The following TMEM230 variants were observed in gnomAD, a reference collection of about 807,000 sequenced individuals.
The protein encoded by TMEM230 is transmembrane protein 230.
A neutral mutation model predicts 15.8 loss-of-function variants in TMEM230; 10 were observed. The ratio of observed to expected loss-of-function variants is 0.63; its 90% CI spans 0.39 to 1.07. The LOEUF is 1.07. Ranked by LOEUF, TMEM230 falls within the 50% of genes least tolerant of loss-of-function variation. The pLI is 0.01. For missense variants in TMEM230, 165 were observed against 193.3 expected, an observed-to-expected ratio of 0.85 and a Z score of 0.87; for synonymous variants, 67 against 76.9, an observed-to-expected ratio of 0.87 and a Z score of 0.68.
chr20:5,076,497 C>T (rs545645504), intron 3 of TMEM230, among the ~76,000 whole-genome samples: 34 of 151,110 alleles, frequency 2.3e-4, no homozygotes, highest in South Asian at 6.3e-4. Flanking sequence ...GCTGAGAGCG[C>T]GCCACTGCAC....
downstream of TMEM230, among the ~76,000 whole-genome samples, chr20:5,063,762 A>T (rs538697165): frequency 6.6e-6 from 1 of 151,944 alleles, no homozygotes; most frequent in African/African-American, 2.4e-5. Context: ...ACCATGATGA[A>T]ATAGAATTTA....
chr20:5,086,411 C>T lies in TMEM230; in HGVS notation c.223-17062G>A, dbSNP rs377213507. Among the ~76,000 whole-genome samples, 69 of 151,316 alleles carry T rather than the reference C, an allele frequency of 4.6e-4. No homozygotes were observed. The Middle Eastern group carries it at 0.01, about 22-fold the overall frequency. ...AAAATTAGCCAGGCGTGGTGGCGTG[C>T]GCCTGTAGTCCCAGCTGCTTGGGAG... On this transcript the variant is annotated intron_variant, in intron 3 of 3. Coordinates refer to the TMEM230 transcript ENST00000612323.
chr20:5,112,267 A>G (rs547361617), intron 1 of TMEM230, among the ~76,000 whole-genome samples: 5 of 152,384 alleles, frequency 3.3e-5, no homozygotes, highest in East Asian at 1.9e-4. Context: ...TTTAAAAATT[A>G]GCATAATGTT....
the TMEM230 span, chr20:5,061,366 T>A: frequency 6.6e-6 from 1 of 152,166 alleles, no homozygotes; most frequent in Admixed American, 6.6e-5. Flanking sequence ...AAAATGTAGT[T>A]TCCGAACTGG....
intron 3 of TMEM230, among the ~76,000 whole-genome samples, chr20:5,086,984 C>CCGCCT (rs2089359791): frequency 6.6e-6 from 1 of 152,148 alleles, no homozygotes; most frequent in Admixed American, 6.5e-5. Flanking sequence ...AGCAATCATC[C>CCGCCT]CGCCTCAGCC....
intron 3 of TMEM230, 72 bp downstream of exon 2, chr20:5,109,260 A>C (rs2090215260): frequency 8.1e-7 from 1 of 1,237,636 alleles, no homozygotes; most frequent in African/African-American, 1.5e-5. Flanking sequence ...CAAAATCTCC[A>C]TCTGGAAGGT....
chr20:5,063,441 C>A (rs1309402759), downstream of TMEM230, among the ~76,000 whole-genome samples: 1 of 151,974 alleles, frequency 6.6e-6, no homozygotes, highest in Non-Finnish European at 1.5e-5. Context: ...GGGTGCACCA[C>A]CGCACCTGGC....
chr20:5,104,682 A>G (rs529466066), intron 4 of TMEM230, among the ~76,000 whole-genome samples: 1 of 152,248 alleles, frequency 6.6e-6, no homozygotes, highest in Admixed American at 6.5e-5. Flanking sequence ...ATGGAGTACT[A>G]TTCAGCCACT....
chr20:5,073,080 T>C (rs1265758465), intron 3 of TMEM230, among the ~76,000 whole-genome samples: 3 of 152,052 alleles, frequency 2.0e-5, no homozygotes, highest in African/African-American at 7.2e-5. Flanking sequence ...TAGGGTGGCA[T>C]TTCATGTGAG....
At chr20:5,111,910 G>T in intron 1 of TMEM230, 2 of 424,560 alleles carry the variant, frequency 4.7e-6, no homozygotes, top group Non-Finnish European at 6.3e-6. Flanking sequence ...TTAGGGACCC[G>T]ATCTCAGCTC....
At chr20:5,092,710 C>A (rs968149996) in intron 3 of TMEM230, among the ~76,000 whole-genome samples, 1 of 141,254 alleles carries the variant, frequency 7.1e-6, no homozygotes, top group African/African-American at 2.6e-5. Context: ...AGCAAAACTC[C>A]GTCTCAAAAA....
At chr20:5,093,164 A>G (rs2089557537) in intron 3 of TMEM230, among the ~76,000 whole-genome samples, 1 of 152,262 alleles carries the variant, frequency 6.6e-6, no homozygotes, top group African/African-American at 2.4e-5. Context: ...TAACATATAA[A>G]AATCAGTAGT....
At position 5,069,365 on chromosome 20, in the gene TMEM230, C is replaced by G. The variant is rs2088752144; in HGVS notation, c.223-16G>C. The G allele has an allele frequency of 2.6e-6, 4 of 1,521,432 alleles. No individual in the cohort carries two copies. In the African/African-American group the frequency reaches 4.1e-5, roughly 16 times the overall value. The allele number at this position is 1,521,432 out of a possible 1,614,324, so 94.2% of individuals were successfully genotyped here. On this transcript the variant is annotated splice_polypyrimidine_tract_variant and intron_variant, in intron 3 of 3. Transcript: ENST00000612323. ...ATTCGAGACTCTGAGAAAGAAACAC[C>G]CCTTCTCAATTCCACCACAAGTTCT...
At chr20:5,104,258 C>T (rs1159268853) in intron 4 of TMEM230, among the ~76,000 whole-genome samples, 1 of 152,182 alleles carries the variant, frequency 6.6e-6, no homozygotes, top group East Asian at 1.9e-4. Flanking sequence ...CAAGGTCTCG[C>T]TATGTTGCGC....
chr20:5,099,061 C>T (rs1199724635), downstream of TMEM230, among the ~76,000 whole-genome samples: 1 of 151,994 alleles, frequency 6.6e-6, no homozygotes, highest in Non-Finnish European at 1.5e-5. Flanking sequence ...CTCAGTAGCT[C>T]ATGCCTATAA....
rs58249139 is a variant in TMEM230 at position 5,091,529 on chromosome 20, G to GTT, written c.222+14657_222+14658dup. Among the ~76,000 whole-genome samples the GTT allele has an allele frequency of 3.1e-3, 469 of 151,766 alleles. 3 individuals are homozygous for GTT. The highest frequency in any genetic ancestry group is 0.01 in the African/African-American group (418 of 41,422). Reference sequence around the variant, plus strand: ...CCCAGCTGGTATTGCTATTTTTGTTGTTTTTTTTCTCCCAAATATCTTTGA... The same window carrying GTT: ...CCCAGCTGGTATTGCTATTTTTGTTGTTTTTTTTTTCTCCCAAATATCTTTGA... On this transcript the variant is annotated intron_variant, in intron 3 of 3. Coordinates refer to the TMEM230 transcript ENST00000612323.
chr20:5,076,862 C>T (rs1481777911), intron 3 of TMEM230, among the ~76,000 whole-genome samples: 1 of 151,160 alleles, frequency 6.6e-6, no homozygotes, highest in African/African-American at 2.4e-5. Context: ...ATTTTTAGTA[C>T]AGACGGGGTT....
chr20:5,069,583 T>A (rs1386500873), intron 3 of TMEM230, among the ~76,000 whole-genome samples: 1 of 152,116 alleles, frequency 6.6e-6, no homozygotes, highest in Non-Finnish European at 1.5e-5. Flanking sequence ...GACACCGACA[T>A]TTCCTTCCCT....
chr20:5,093,772 A>C (rs531929118), intron 3 of TMEM230, among the ~76,000 whole-genome samples: 1 of 152,218 alleles, frequency 6.6e-6, no homozygotes, highest in South Asian at 2.1e-4. Flanking sequence ...TCCTGGCTTC[A>C]AGTGATGTGA....
Sources: gnomAD v4.1 joint callset for allele counts (sites outside exome capture counted in the v4.1 genomes callset) on GRCh38, gnomAD v4.1.1 for gene constraint, MANE v1.5 for transcripts, NCBI Gene and HGNC (gene_info 2026-07-23, HGNC 2026-07-21) for gene names.